DDX4: variants seen among roughly 807,000 people sequenced by gnomAD.
DDX4 encodes the protein probable ATP-dependent RNA helicase DDX4.
In DDX4, 25 loss-of-function variants were observed where a neutral mutation model predicts 100.0. That is an observed-to-expected ratio of 0.25 (90% CI 0.18 to 0.35). DDX4 has a LOEUF of 0.35. DDX4 is among the 10% of genes least tolerant of loss of function. The pLI is 1.00. For synonymous variants in DDX4, 259 were observed against 275.7 expected, an observed-to-expected ratio of 0.94 and a Z score of 0.60; for missense variants, 635 against 882.4, an observed-to-expected ratio of 0.72 and a Z score of 3.55.
At chr5:55,749,096 G>A (rs1248782815) in intron 3 of DDX4, among the ~76,000 whole-genome samples, 3 of 152,122 alleles carry the variant, frequency 2.0e-5, no homozygotes, top group African/African-American at 7.2e-5. Flanking sequence ...CCAAAATTAA[G>A]CGAAAACAAT....
chr5:55,785,451 T>A lies in DDX4; in HGVS notation c.678T>A (p.Ser226=). 1 of 1,609,080 alleles carries A rather than the reference T, an allele frequency of 6.2e-7. No homozygotes were observed. Among genetic ancestry groups the A allele is most frequent in the Non-Finnish European group, 8.5e-7 (1 of 1,177,060 alleles). ...EEVITGSGKN[S]WKSEAEGGES... Reference sequence around the variant, plus strand: ...TTTTATTTGATCCTCTTCAAGATTCTTGGAAGTCAGAAGCAGAAGGAGGAG... The same window carrying A: ...TTTTATTTGATCCTCTTCAAGATTCATGGAAGTCAGAAGCAGAAGGAGGAG... Residue 226 remains serine (S), a synonymous_variant, in exon 12 of 22, where the codon TCT becomes TCA. Coordinates refer to ENST00000505374, the MANE Select transcript of DDX4 (RefSeq NM_024415.3).
intron 18 of DDX4, among the ~76,000 whole-genome samples, chr5:55,805,923 G>C (rs1243650625): frequency 6.6e-6 from 1 of 152,170 alleles, no homozygotes; most frequent in African/African-American, 2.4e-5. Flanking sequence ...TTGTACCTCT[G>C]GTAGAATTCA....
intron 3 of DDX4, among the ~76,000 whole-genome samples, chr5:55,752,267 T>C (rs1759608306): frequency 6.6e-6 from 1 of 150,630 alleles, no homozygotes; most frequent in African/African-American, 2.4e-5. Flanking sequence ...TGTGCCATGC[T>C]GGTGCGCTGC....
At chr5:55,758,690 GTTCT>G (rs1190826126) in intron 3 of DDX4, among the ~76,000 whole-genome samples, 1 of 151,702 alleles carries the variant, frequency 6.6e-6, no homozygotes, top group East Asian at 1.9e-4. Context: ...TTGTCTTTCT[GTTCT>G]TTGAGATTCT....
chr5:55,756,860 CTTAT>C (rs1197691695), intron 3 of DDX4, among the ~76,000 whole-genome samples: 3 of 151,772 alleles, frequency 2.0e-5, no homozygotes, highest in African/African-American at 4.8e-5. Context: ...GTATTAGAGT[CTTAT>C]TTATTTTTAT....
chr5:55,804,713 T>G (rs1404763336), intron 18 of DDX4, among the ~76,000 whole-genome samples: 1 of 152,154 alleles, frequency 6.6e-6, no homozygotes, highest in African/African-American at 2.4e-5. Flanking sequence ...CCATGCTGTT[T>G]TGGTTACTGT....
rs747609654 is a variant in DDX4, at chr5:55,794,290, C to T, written c.1469+1483C>T. Among the ~76,000 whole-genome samples, 5 of 151,076 alleles carry T rather than the reference C, an allele frequency of 3.3e-5. No individual in the cohort carries two copies. In the South Asian group the frequency reaches 8.4e-4, roughly 25 times the overall value. ...GCAACCTCAATCTCCCGGGTTCAAG[C>T]GATTCTCCTGCCTCAGCCTCCCAAG... On this transcript the variant is annotated intron_variant, in intron 17 of 21. Transcript: ENST00000505374.
At chr5:55,777,714 ACCTGCACAT>A (rs1158115518) in intron 7 of DDX4, 1 of 152,258 alleles carries the variant, frequency 6.6e-6, no homozygotes, top group Non-Finnish European at 1.5e-5. Context: ...TATGTAACAA[ACCTGCACAT>A]CCTGCACACG....
At chr5:55,742,325 A>G in intron 2 of DDX4, 1 of 418,036 alleles carries the variant, frequency 2.4e-6, no homozygotes. Context: ...CGTGAATGTA[A>G]GCCTGTATAG....
At chr5:55,788,116 G>A in intron 15 of DDX4, 116 bp downstream of exon 15, 1 of 879,496 alleles carries the variant, frequency 1.1e-6, no homozygotes, top group Non-Finnish European at 1.7e-6. Flanking sequence ...ATTACTTAAA[G>A]TATTTTTTTA....
intron 2 of DDX4, among the ~76,000 whole-genome samples, chr5:55,744,095 A>G (rs1464015971): frequency 6.6e-6 from 1 of 152,108 alleles, no homozygotes; most frequent in Non-Finnish European, 1.5e-5. Flanking sequence ...CATTTCAAGT[A>G]TGTTGTTATT....
intron 17 of DDX4, among the ~76,000 whole-genome samples, chr5:55,794,354 ATTT>A (rs1227796139): frequency 7.6e-6 from 1 of 131,064 alleles, no homozygotes. Context: ...CGCCTGGTTA[ATTT>A]TTTTTTTTTT....
intron 17 of DDX4, among the ~76,000 whole-genome samples, chr5:55,795,466 G>A (rs560048395): frequency 4.4e-4 from 67 of 152,172 alleles, no homozygotes; most frequent in African/African-American, 1.3e-3. Context: ...TTTTAACTCC[G>A]CTTTTAAAAA....
intron 16 of DDX4, 60 bp downstream of exon 16, chr5:55,790,765 A>G: frequency 6.7e-7 from 1 of 1,489,654 alleles, no homozygotes; most frequent in Non-Finnish European, 9.3e-7. Context: ...GTATGGGAAA[A>G]GGAAAGAATG....
chr5:55,779,312 A>G (rs2111965284), intron 7 of DDX4, among the ~76,000 whole-genome samples: 1 of 152,340 alleles, frequency 6.6e-6, no homozygotes, highest in South Asian at 2.1e-4. Flanking sequence ...CAGAAATAGC[A>G]TATATAGAAT....
chr5:55,805,697 T>G (rs1743653350), intron 18 of DDX4, among the ~76,000 whole-genome samples: 1 of 152,228 alleles, frequency 6.6e-6, no homozygotes, highest in African/African-American at 2.4e-5. Context: ...GTGGATAAGC[T>G]TCTTGATGTG....
Position 55,765,411 on chromosome 5 carries a change from A to ATATATATAT in DDX4, c.334+1347_334+1348insTATATATAT, listed in dbSNP as rs1285869924. 7.6e-3 allele frequency among the ~76,000 whole-genome samples: 755 copies of ATATATATAT among 99,508 alleles called. 1 individual carries two copies. Among genetic ancestry groups the ATATATATAT allele is most frequent in the Non-Finnish European group, 0.01 (546 of 52,876 alleles). The allele number at this position is 99,508 out of a possible 152,430, so 65.3% of individuals were successfully genotyped here. ...TAGTTCCCCTAAAAAAAAAAAAAAAAAAATATATATATATATATATATATA... is the reference window on the plus strand; with the variant it reads ...TAGTTCCCCTAAAAAAAAAAAAAAAATATATATATAAATATATATATATATATATATATA... On this transcript the variant is annotated intron_variant, in intron 6 of 21. Transcript: ENST00000505374.
chr5:55,801,671 C>T (rs1743318130), intron 18 of DDX4, among the ~76,000 whole-genome samples: 1 of 152,096 alleles, frequency 6.6e-6, no homozygotes, highest in South Asian at 2.1e-4. Context: ...TGCTTATTGG[C>T]ATGGGTGCAG....
At chr5:55,764,336 A>G (rs1026039005) in intron 6 of DDX4, among the ~76,000 whole-genome samples, 1 of 152,188 alleles carries the variant, frequency 6.6e-6, no homozygotes, top group Non-Finnish European at 1.5e-5. Context: ...TAGATAATAA[A>G]AAGAAGTAGT....
Sources: allele counts gnomAD v4.1 joint callset (sites outside exome capture counted in the v4.1 genomes callset), GRCh38; gene constraint gnomAD v4.1.1; transcripts MANE v1.5; gene names NCBI Gene and HGNC (gene_info 2026-07-23, HGNC 2026-07-21).